Variants in CNTNAP5 observed in about 807,000 individuals in gnomAD.
The protein encoded by CNTNAP5 is contactin-associated protein-like 5.
In CNTNAP5, 72 loss-of-function variants were observed where a neutral mutation model predicts 150.2. That is an observed-to-expected ratio of 0.48 (90% confidence interval 0.40 to 0.58). CNTNAP5 has a LOEUF of 0.58. Among genes scored for constraint, CNTNAP5 ranks in the 20% least tolerant of loss-of-function variants. The probability of loss-of-function intolerance (pLI) is 0.00; values close to 1 mark genes in which losing one functional copy is unlikely to be tolerated. For missense variants in CNTNAP5, 1,636 were observed against 1,626.2 expected, an observed-to-expected ratio of 1.01 and a Z score of -0.10; for synonymous variants, 672 against 619.8, an observed-to-expected ratio of 1.08 and a Z score of -1.25.
chr2:124,026,728 T>A (rs532917511), intron 1 of CNTNAP5, among the ~76,000 whole-genome samples: 1 of 152,228 alleles, frequency 6.6e-6, no homozygotes, highest in South Asian at 2.1e-4. Flanking sequence ...CCCTTATCCC[T>A]GTCATGAAGC....
chr2:124,111,702 G>C (rs1251530855), intron 1 of CNTNAP5, among the ~76,000 whole-genome samples: 1 of 152,182 alleles, frequency 6.6e-6, no homozygotes, highest in South Asian at 2.1e-4. Context: ...GATTTATTGG[G>C]AGTTGGCATA....
intron 1 of CNTNAP5, among the ~76,000 whole-genome samples, chr2:124,149,287 T>A (rs976500882): frequency 3.3e-5 from 5 of 151,148 alleles, no homozygotes; most frequent in Non-Finnish European, 7.4e-5. Flanking sequence ...AGAGAGGAAG[T>A]GGCCTGTTCA....
In CNTNAP5 at chr2:124,734,911, C is replaced by A. The variant is rs528001717; in HGVS notation, c.2078-12318C>A. ...AGTTCAAACCTTGTAATTAGTGATT[C>A]TAAAATTTAGGTGTGTAAACTTGAG... On this transcript the variant is annotated intron_variant, in intron 13 of 23. Transcript: ENST00000682447. Among the ~76,000 whole-genome samples, 12 of 152,158 alleles carry A rather than the reference C, an allele frequency of 7.9e-5. No individual in the cohort carries two copies. In the East Asian group the frequency reaches 2.3e-3, roughly 29 times the overall value.
intron 3 of CNTNAP5, among the ~76,000 whole-genome samples, chr2:124,283,580 C>G (rs1688070487): frequency 6.6e-6 from 1 of 152,186 alleles, no homozygotes; most frequent in African/African-American, 2.4e-5. Flanking sequence ...GAAACCTACT[C>G]TGTCTTGGCA....
intron 16 of CNTNAP5, among the ~76,000 whole-genome samples, chr2:124,770,346 TG>T (rs1279746809): frequency 6.6e-6 from 1 of 151,968 alleles, no homozygotes; most frequent in Non-Finnish European, 1.5e-5. Context: ...TAAGCACAGA[TG>T]GGAAACCTAT....
intron 6 of CNTNAP5, among the ~76,000 whole-genome samples, chr2:124,465,566 C>T (rs1351018477): frequency 6.6e-6 from 1 of 152,162 alleles, no homozygotes; most frequent in African/African-American, 2.4e-5. Context: ...TCTGTTGAAT[C>T]TATTAATGGT....
rs139860317 is a variant in CNTNAP5 at position 124,392,174 on chromosome 2, C to T, written c.382-25269C>T. ...TTATCATGGGACCCTTTTAAAGGACCAATTAGCATTTACTATACACCAAGA... is the reference window on the plus strand; with the variant it reads ...TTATCATGGGACCCTTTTAAAGGACTAATTAGCATTTACTATACACCAAGA... On this transcript the variant is annotated intron_variant, in intron 3 of 23. Coordinates refer to ENST00000682447, the MANE Select transcript of CNTNAP5 (RefSeq NM_001367498.1). 2.9e-3 allele frequency among the ~76,000 whole-genome samples: 440 copies of T among 151,968 alleles called. 5 individuals carry two copies. The highest frequency in any genetic ancestry group is 9.9e-3 in the African/African-American group (410 of 41,448).
intron 19 of CNTNAP5, among the ~76,000 whole-genome samples, chr2:124,849,619 G>T: frequency 6.6e-6 from 1 of 152,214 alleles, no homozygotes; most frequent in South Asian, 2.1e-4. Context: ...TAGCTCATTT[G>T]GGGGTGGTAT....
At chr2:124,453,395 C>G (rs1328569918) in intron 6 of CNTNAP5, among the ~76,000 whole-genome samples, 1 of 152,096 alleles carries the variant, frequency 6.6e-6, no homozygotes, top group Non-Finnish European at 1.5e-5. Context: ...GTTAAACAAT[C>G]AAACCTAAGA....
intron 10 of CNTNAP5, among the ~76,000 whole-genome samples, chr2:124,534,726 C>CA (rs1423363289): frequency 6.6e-6 from 1 of 151,934 alleles, no homozygotes; most frequent in African/African-American, 2.4e-5. Flanking sequence ...ACAAAAAAAA[C>CA]AAAAAATGTA....
chr2:124,582,439 A>G (rs1696436904), intron 11 of CNTNAP5, among the ~76,000 whole-genome samples: 1 of 152,210 alleles, frequency 6.6e-6, no homozygotes. Flanking sequence ...ATAAAAATAA[A>G]AAAGCAAACT....
At chr2:124,180,282 G>A (rs181383518) in intron 1 of CNTNAP5, among the ~76,000 whole-genome samples, 40 of 152,252 alleles carry the variant, frequency 2.6e-4, no homozygotes, top group Middle Eastern at 3.4e-3. Context: ...TATGATTCTC[G>A]AGAATCTATT....
chr2:124,307,715 G>A (rs893671377), intron 3 of CNTNAP5, among the ~76,000 whole-genome samples: 1 of 152,188 alleles, frequency 6.6e-6, no homozygotes, highest in African/African-American at 2.4e-5. Context: ...TGAATGCTCA[G>A]TTGGCATTTC....
rs193149575 is a variant in CNTNAP5, at chr2:124,638,060, G to A, written c.1877-9698G>A. On this transcript the variant is annotated intron_variant, in intron 12 of 23. Transcript: ENST00000682447. ...AGTGGGCAGAACTAAAATTGTGTGT[G>A]TGCATGTGTGTGTGTGCGTGTATGT... Among the ~76,000 whole-genome samples the A allele has an allele frequency of 6.2e-4, 94 of 152,014 alleles. 1 individual carries two copies. The highest frequency in any genetic ancestry group is 6.8e-3 in the Middle Eastern group (2 of 292).
At chr2:124,611,831 T>A (rs1677390916) in intron 12 of CNTNAP5, among the ~76,000 whole-genome samples, 1 of 152,208 alleles carries the variant, frequency 6.6e-6, no homozygotes. Flanking sequence ...GGACAGCAAT[T>A]ACTGAGCTTC....
intron 9 of CNTNAP5, among the ~76,000 whole-genome samples, chr2:124,524,921 C>T (rs1573435631): frequency 6.6e-6 from 1 of 152,134 alleles, no homozygotes; most frequent in African/African-American, 2.4e-5. Context: ...CCCTCCTTCC[C>T]CACATCCCTA....
intron 1 of CNTNAP5, among the ~76,000 whole-genome samples, chr2:124,209,475 T>A (rs771374135): frequency 4.6e-5 from 7 of 152,192 alleles, no homozygotes; most frequent in Non-Finnish European, 7.4e-5. Context: ...TCTCTTTAAG[T>A]GCTCACAATC....
chr2:124,514,906 G>C (rs1573428000), intron 8 of CNTNAP5, among the ~76,000 whole-genome samples: 2 of 152,200 alleles, frequency 1.3e-5, no homozygotes, highest in Non-Finnish European at 2.9e-5. Context: ...GTATCTTGGA[G>C]AGAATAGGGA....
intron 1 of CNTNAP5, among the ~76,000 whole-genome samples, chr2:124,149,425 A>AAAAAAC (rs1163406129): frequency 6.9e-6 from 1 of 145,088 alleles, no homozygotes. Flanking sequence ...AAAAAAAAAA[A>AAAAAAC]ACTCAGGAAA....
Sources: gnomAD v4.1 joint callset for allele counts (sites outside exome capture counted in the v4.1 genomes callset) on GRCh38, gnomAD v4.1.1 for gene constraint, MANE v1.5 for transcripts, NCBI Gene and HGNC (gene_info 2026-07-23, HGNC 2026-07-21) for gene names.